Variants in SLC2A13 observed in about 807,000 individuals in gnomAD.
SLC2A13 encodes proton myo-inositol cotransporter.
In SLC2A13, 32 loss-of-function variants were observed where a neutral mutation model predicts 64.4. The observed-to-expected ratio is 0.50, with a 90% CI of 0.37 to 0.67. The LOEUF is 0.67. Ranked by LOEUF, SLC2A13 falls within the 30% of genes least tolerant of loss-of-function variation. The probability of loss-of-function intolerance (pLI) is 0.00; values close to 1 mark genes in which losing one functional copy is unlikely to be tolerated. For synonymous variants in SLC2A13, 338 were observed against 327.1 expected (o/e 1.03, Z -0.36); for missense variants, 743 against 829.2 (o/e 0.90, Z 1.28).
chr12:40,028,881 C>T (rs758941631), intron 2 of SLC2A13, among the ~76,000 whole-genome samples: 6 of 152,098 alleles, frequency 3.9e-5, no homozygotes, highest in Non-Finnish European at 5.9e-5. Context: ...AATGGGGCTA[C>T]GATAAAACTT....
intron 4 of SLC2A13, among the ~76,000 whole-genome samples, chr12:39,932,258 C>A (rs140349993): frequency 7.2e-5 from 11 of 152,232 alleles, no homozygotes; most frequent in Admixed American, 7.2e-4. Context: ...GGGAATCAGG[C>A]ACTTCAAATA....
chr12:39,872,044 T>C, intron 4 of SLC2A13, 83 bp from the exon 5 acceptor site: 1 of 1,238,844 alleles, frequency 8.1e-7, no homozygotes, highest in Non-Finnish European at 1.1e-6. Context: ...ATGTATTCAA[T>C]TTGAAAAAAA....
Position 40,105,902 on chromosome 12 carries a change from G to GC in SLC2A13, c.-95dup. The GC allele has an allele frequency of 8.0e-7, 1 of 1,253,620 alleles. No homozygotes were observed. The highest frequency in any genetic ancestry group is 1.0e-6 in the Non-Finnish European group (1 of 992,184). 77.7% of individuals were successfully genotyped at this position (1,253,620 alleles called of 1,614,324 possible). ...GCCCGAGCCGGCGGGAGCAACCGCC[G>GC]CTGCCGCCGCTTTCTTCCTCCCGGC... On this transcript the variant is annotated 5_prime_UTR_variant, in exon 1 of 10. Transcript: ENST00000280871. The surrounding 1 kb of genome is among the most constrained non-coding windows in gnomAD (Gnocchi z 4.2).
rs139196653 is a variant in SLC2A13, at chr12:39,840,603, C to T, written c.1320-10375G>A. 6.1e-3 allele frequency among the ~76,000 whole-genome samples: 934 copies of T among 152,042 alleles called. 11 individuals carry two copies. The highest frequency in any genetic ancestry group is 0.021 in the African/African-American group (886 of 41,480). ...ATTGTTTTCTCTGGATGTTACTTTC[C>T]ACCTTATCTTTCCTATACTTCCTTT... On this transcript the variant is annotated intron_variant, in intron 6 of 9. Transcript: ENST00000280871.
intron 7 of SLC2A13, among the ~76,000 whole-genome samples, chr12:39,772,563 T>C (rs1195240231): frequency 1.3e-5 from 2 of 151,712 alleles, no homozygotes; most frequent in Non-Finnish European, 2.9e-5. Flanking sequence ...AGCAATGAAA[T>C]AGTCTTTTGA....
intron 3 of SLC2A13, among the ~76,000 whole-genome samples, chr12:39,979,092 A>C (rs1029216899): frequency 6.6e-6 from 1 of 151,796 alleles, no homozygotes; most frequent in Admixed American, 6.6e-5. Flanking sequence ...GGGTATTCCA[A>C]CAGACCTGCA....
intron 2 of SLC2A13, among the ~76,000 whole-genome samples, chr12:40,032,031 C>A (rs1182748535): frequency 6.6e-6 from 1 of 152,088 alleles, no homozygotes; most frequent in African/African-American, 2.4e-5. Flanking sequence ...GTTTCTAAAC[C>A]TGGCTTCACA....
chr12:40,029,331 T>C (rs1388822293), intron 2 of SLC2A13, among the ~76,000 whole-genome samples: 1 of 152,204 alleles, frequency 6.6e-6, no homozygotes, highest in Non-Finnish European at 1.5e-5. Flanking sequence ...CCAAAGGGGC[T>C]GAATTAGATA....
intron 7 of SLC2A13, among the ~76,000 whole-genome samples, chr12:39,784,801 G>A (rs1941127231): frequency 6.6e-6 from 1 of 152,098 alleles, no homozygotes; most frequent in African/African-American, 2.4e-5. Flanking sequence ...CTATAGAATG[G>A]GAGAACATTT....
Position 39,764,893 on chromosome 12 carries a change from GT to G in SLC2A13, c.1446-36del, listed in dbSNP as rs777775509. The G allele has an allele frequency of 2.3e-5, 36 of 1,596,754 alleles. No homozygotes were observed. In the African/African-American group the frequency reaches 3.6e-4, roughly 16 times the overall value. ...AATGCAATATAAGTATTAACTTAATGTTTTTGACTACAGTTGCAGAAATTCA... is the reference window on the plus strand; with the variant it reads ...AATGCAATATAAGTATTAACTTAATGTTTTGACTACAGTTGCAGAAATTCA... On this transcript the variant is annotated intron_variant, in intron 7 of 9. Coordinates refer to ENST00000280871, the MANE Select transcript of SLC2A13 (RefSeq NM_052885.4).
At chr12:39,872,558 G>C (rs1944084773) in intron 4 of SLC2A13, among the ~76,000 whole-genome samples, 1 of 152,184 alleles carries the variant, frequency 6.6e-6, no homozygotes, top group Non-Finnish European at 1.5e-5. Context: ...GGTGAGCTAA[G>C]TCTCTAGCAT....
chr12:39,755,722 G>C lies in SLC2A13; in HGVS notation c.*4304C>G, dbSNP rs1204188777. 6.6e-6 allele frequency: 1 copy of C among 152,056 alleles called. No homozygotes were observed. The highest frequency in any genetic ancestry group is 1.5e-5 in the Non-Finnish European group (1 of 67,870). The allele number at this position is 152,056 out of a possible 1,614,324, so 9.4% of individuals were successfully genotyped here. A position where few individuals can be genotyped will look rare whatever the true frequency, so the allele number is the denominator to read the frequency against. On this transcript the variant is annotated 3_prime_UTR_variant, in exon 10 of 10. Coordinates refer to ENST00000280871, the MANE Select transcript of SLC2A13 (RefSeq NM_052885.4). ...GAACTTAACTGTCTAAAATAAAAAT[G>C]TGAATATTACTGCTAAATGAAGGCA...
chr12:39,796,509 T>C (rs1342062231), intron 7 of SLC2A13, among the ~76,000 whole-genome samples: 1 of 152,090 alleles, frequency 6.6e-6, no homozygotes, highest in Non-Finnish European at 1.5e-5. Flanking sequence ...AGCAAGCTGC[T>C]TGCCCACTTT....
chr12:40,054,627 C>T (rs988808626), intron 1 of SLC2A13, among the ~76,000 whole-genome samples: 7 of 152,212 alleles, frequency 4.6e-5, no homozygotes, highest in Non-Finnish European at 8.8e-5. Context: ...AAAACTGCAT[C>T]TCAGACACTG....
rs71075082 is a variant in SLC2A13 at position 39,792,803 on chromosome 12, G to GAAA, written c.1446-27948_1446-27946dup. 3.5e-3 allele frequency among the ~76,000 whole-genome samples: 516 copies of GAAA among 149,514 alleles called. 3 individuals are homozygous for GAAA. The highest frequency in any genetic ancestry group is 0.012 in the African/African-American group (483 of 40,870). ...ATATGGAGGGCTGGCTGTATTTAATGAAAAAAAAAAACCCCACATAAAAGT... is the reference window on the plus strand; with the variant it reads ...ATATGGAGGGCTGGCTGTATTTAATGAAAAAAAAAAAAAACCCCACATAAAAGT... On this transcript the variant is annotated intron_variant, in intron 7 of 9. Coordinates refer to ENST00000280871, the MANE Select transcript of SLC2A13 (RefSeq NM_052885.4).
chr12:40,056,283 G>A (rs1420663618), intron 1 of SLC2A13, among the ~76,000 whole-genome samples: 1 of 151,984 alleles, frequency 6.6e-6, no homozygotes, highest in Non-Finnish European at 1.5e-5. Context: ...GAATAGTAGT[G>A]TTATAAAGAG....
At chr12:40,036,017 T>C (rs1472813686) in intron 2 of SLC2A13, among the ~76,000 whole-genome samples, 2 of 152,220 alleles carry the variant, frequency 1.3e-5, no homozygotes, top group Non-Finnish European at 1.5e-5. Context: ...ATATCCTTTT[T>C]TCCCCCCAAA....
intron 3 of SLC2A13, among the ~76,000 whole-genome samples, chr12:39,996,323 G>T (rs928345317): frequency 6.6e-6 from 1 of 152,194 alleles, no homozygotes; most frequent in South Asian, 2.1e-4. Flanking sequence ...TGACTTGGGT[G>T]CTGTTAAAGA....
Position 40,025,713 on chromosome 12 carries a change from C to T in SLC2A13, c.925+2588G>A, listed in dbSNP as rs80207404. On this transcript the variant is annotated intron_variant, in intron 3 of 9. Coordinates refer to ENST00000280871, the MANE Select transcript of SLC2A13 (RefSeq NM_052885.4). ...TCAGGTAGCTGCACTCTATTGCCCA[C>T]AGTTCCCAGGCTTGATGTTGTGGAT... Among the ~76,000 whole-genome samples, 12 of 152,316 alleles carry T rather than the reference C, an allele frequency of 7.9e-5. No individual in the cohort carries two copies. The East Asian group carries it at 2.1e-3, about 27-fold the overall frequency.
Sources: gnomAD v4.1 joint callset for allele counts (sites outside exome capture counted in the v4.1 genomes callset) on GRCh38, gnomAD v4.1.1 for gene constraint, Gnocchi (gnomAD v3.1) non-coding constraint, MANE v1.5 for transcripts, NCBI Gene and HGNC (gene_info 2026-07-23, HGNC 2026-07-21) for gene names.